The following VAV3 variants were observed in gnomAD, a reference collection of about 807,000 sequenced individuals.
The protein encoded by VAV3 is vav guanine nucleotide exchange factor 3.
VAV3 carries 94 observed loss-of-function variants against 131.2 expected under a neutral mutation model. The ratio of observed to expected loss-of-function variants is 0.72; its 90% CI spans 0.61 to 0.85. VAV3 has a LOEUF of 0.85. Ranked by LOEUF, VAV3 falls within the 40% of genes least tolerant of loss-of-function variation. The probability of loss-of-function intolerance (pLI) is 0.00; values close to 1 mark genes in which losing one functional copy is unlikely to be tolerated. For synonymous variants in VAV3, 349 were observed against 342.0 expected (o/e 1.02, Z -0.22); for missense variants, 939 against 1,002.7 (o/e 0.94, Z 0.86).
intron 1 of VAV3, among the ~76,000 whole-genome samples, chr1:107,920,552 CCAAAT>C (rs2101151939): frequency 6.6e-6 from 1 of 152,168 alleles, no homozygotes; most frequent in East Asian, 1.9e-4. Context: ...TAATCTGTTT[CCAAAT>C]CAGGAAATTC....
intron 2 of VAV3, among the ~76,000 whole-genome samples, chr1:107,813,629 C>T (rs549886339): frequency 5.3e-5 from 8 of 152,306 alleles, no homozygotes; most frequent in African/African-American, 1.7e-4. Context: ...GTCCTCTCTT[C>T]TAGCTATTTT....
intron 5 of VAV3, among the ~76,000 whole-genome samples, chr1:107,771,254 T>G (rs916383819): frequency 9.3e-5 from 5 of 53,502 alleles, no homozygotes; most frequent in African/African-American, 3.4e-4. Context: ...TCTTGTCAGC[T>G]TTTTTTTTTT....
At chr1:107,634,597 G>A (rs1024506836) in intron 20 of VAV3, among the ~76,000 whole-genome samples, 4 of 147,318 alleles carry the variant, frequency 2.7e-5, no homozygotes, top group African/African-American at 9.9e-5. Flanking sequence ...AAAAGCAATG[G>A]CAATGAAAGC....
At chr1:107,679,978 G>C (rs1029559200) in intron 19 of VAV3, among the ~76,000 whole-genome samples, 2 of 152,070 alleles carry the variant, frequency 1.3e-5, no homozygotes, top group African/African-American at 4.8e-5. Flanking sequence ...AAGATTATAA[G>C]TTGATACTTT....
At chr1:107,696,531 A>G (rs12082775) in intron 17 of VAV3, among the ~76,000 whole-genome samples, 12,084 of 151,720 alleles carry the variant, frequency 0.08, 1,125 homozygotes, top group African/African-American at 0.23. Flanking sequence ...TCACAAGTGG[A>G]CTCCTGATCC....
rs111559364 is a variant in VAV3, at chr1:107,904,480, C to A, written c.205-29463G>T. On this transcript the variant is annotated intron_variant, in intron 1 of 26. Transcript: ENST00000370056. Reference sequence around the variant, plus strand: ...ATCTGATGACTGAATTTTTTTATTTCTTTTCTTATTTGACTGCTCCATGTT... The same window carrying A: ...ATCTGATGACTGAATTTTTTTATTTATTTTCTTATTTGACTGCTCCATGTT... Among the ~76,000 whole-genome samples, 323 of 152,240 alleles carry A rather than the reference C, an allele frequency of 2.1e-3. 2 individuals carry two copies. Among genetic ancestry groups the A allele is most frequent in the African/African-American group, 7.4e-3 (307 of 41,532 alleles).
chr1:107,616,371 G>A (rs1047428868), intron 21 of VAV3, among the ~76,000 whole-genome samples: 2 of 152,094 alleles, frequency 1.3e-5, no homozygotes, highest in Admixed American at 1.3e-4. Flanking sequence ...TCATTTATAA[G>A]TGAAAGTTAA....
intron 15 of VAV3, among the ~76,000 whole-genome samples, chr1:107,728,600 C>CGTATACGTATATGTATAT (rs375667378): frequency 0.011 from 1,495 of 136,906 alleles, 20 homozygotes; most frequent in Middle Eastern, 0.04. Context: ...TATACGTATA[C>CGTATACGTATATGTATAT]GTATATGTAT....
intron 20 of VAV3, among the ~76,000 whole-genome samples, chr1:107,637,111 C>A (rs1290340897): frequency 6.6e-6 from 1 of 151,992 alleles, no homozygotes; most frequent in Non-Finnish European, 1.5e-5. Flanking sequence ...AAAAGAGATA[C>A]ATTACTGATA....
At chr1:107,870,916 G>C (rs1285481009) in intron 2 of VAV3, among the ~76,000 whole-genome samples, 1 of 152,124 alleles carries the variant, frequency 6.6e-6, no homozygotes, top group African/African-American at 2.4e-5. Flanking sequence ...GATGACTTTA[G>C]TCACTCATCT....
chr1:107,732,992 C>T (rs1662352687), intron 15 of VAV3, among the ~76,000 whole-genome samples: 2 of 152,124 alleles, frequency 1.3e-5, no homozygotes, highest in Non-Finnish European at 1.5e-5. Context: ...CAGCCAGATG[C>T]CCCTCTGAGA....
At chr1:107,578,382 C>T (rs1329481028) in intron 25 of VAV3, among the ~76,000 whole-genome samples, 1 of 152,160 alleles carries the variant, frequency 6.6e-6, no homozygotes, top group Non-Finnish European at 1.5e-5. Flanking sequence ...TCATTTTCAG[C>T]CATGCAGTAG....
intron 8 of VAV3, among the ~76,000 whole-genome samples, chr1:107,765,445 C>T (rs1664685251): frequency 6.6e-6 from 1 of 152,284 alleles, no homozygotes. Flanking sequence ...GGCTTGATGA[C>T]TGTTAATGTT....
chr1:107,688,417 T>C lies in VAV3; in HGVS notation c.1706-11A>G. The C allele has an allele frequency of 1.2e-6, 2 of 1,613,484 alleles. No homozygotes were observed. Among genetic ancestry groups the C allele is most frequent in the Non-Finnish European group, 1.7e-6 (2 of 1,179,696 alleles). On this transcript the variant is annotated splice_polypyrimidine_tract_variant and intron_variant, in intron 17 of 26. Transcript: ENST00000370056. ...TGAGTGTCCCTTGTTCTGAAAGAAA[T>C]GTAAAAATTGGCATTGTCAGTGTAA...
At position 107,824,145 on chromosome 1, in the gene VAV3, C is replaced by A. The variant is rs1163377238; in HGVS notation, c.322-44653G>T. On this transcript the variant is annotated intron_variant, in intron 2 of 26. Coordinates refer to ENST00000370056, the MANE Select transcript of VAV3 (RefSeq NM_006113.5). Reference sequence around the variant, plus strand: ...GAGGGTAGAGAAGTGTCCCAGTATACAGAATATAAATTTCATGAGTGATGT... The same window carrying A: ...GAGGGTAGAGAAGTGTCCCAGTATAAAGAATATAAATTTCATGAGTGATGT... 2.0e-5 allele frequency among the ~76,000 whole-genome samples: 3 copies of A among 151,998 alleles called. No individual in the cohort carries two copies. The East Asian group carries it at 5.8e-4, about 29-fold the overall frequency.
intron 15 of VAV3, among the ~76,000 whole-genome samples, chr1:107,729,675 T>C (rs1415235721): frequency 6.6e-6 from 1 of 152,242 alleles, no homozygotes; most frequent in Non-Finnish European, 1.5e-5. Flanking sequence ...TGCTCCATCA[T>C]AATTTTGTGA....
At chr1:107,636,856 T>C (rs1654967363) in intron 20 of VAV3, among the ~76,000 whole-genome samples, 1 of 152,064 alleles carries the variant, frequency 6.6e-6, no homozygotes, top group African/African-American at 2.4e-5. Context: ...TAGAAAGAAA[T>C]TTGCAGTACT....
chr1:107,725,928 C>T (rs1661812675), intron 15 of VAV3, among the ~76,000 whole-genome samples: 1 of 152,108 alleles, frequency 6.6e-6, no homozygotes, highest in South Asian at 2.1e-4. Flanking sequence ...TTCCTGAAGG[C>T]AACAAAGTAA....
Position 107,816,008 on chromosome 1 carries a change from A to T in VAV3, c.322-36516T>A, listed in dbSNP as rs188134274. ...ATGCGCAGTTGGCAATACACTTTGCACTTCTATGGGAATCCAGTGCTGCCA... is the reference window on the plus strand; with the variant it reads ...ATGCGCAGTTGGCAATACACTTTGCTCTTCTATGGGAATCCAGTGCTGCCA... On this transcript the variant is annotated intron_variant, in intron 2 of 26. Transcript: ENST00000370056. 9.2e-5 allele frequency among the ~76,000 whole-genome samples: 14 copies of T among 152,244 alleles called. No homozygotes were observed. The East Asian group carries it at 2.7e-3, about 29-fold the overall frequency.
Sources: gnomAD v4.1 joint callset for allele counts (sites outside exome capture counted in the v4.1 genomes callset) on GRCh38, gnomAD v4.1.1 for gene constraint, MANE v1.5 for transcripts, NCBI Gene and HGNC (gene_info 2026-07-23, HGNC 2026-07-21) for gene names.